RANBP2: variants seen among roughly 807,000 people sequenced by gnomAD.
RANBP2 encodes the protein RAN binding protein 2, also known as E3 SUMO-protein ligase RanBP2.
In RANBP2, 57 loss-of-function variants were observed where a neutral mutation model predicts 303.6. The ratio of observed to expected loss-of-function variants is 0.19; its 90% confidence interval spans 0.15 to 0.23. The LOEUF is 0.23. Ranked by LOEUF, RANBP2 falls within the 10% of genes least tolerant of loss-of-function variation. The pLI, the probability that RANBP2 is intolerant of heterozygous loss-of-function variation, is 1.00. For missense variants in RANBP2, 3,138 were observed against 3,780.8 expected (o/e 0.83, Z 4.46); for synonymous variants, 1,167 against 1,301.5 (o/e 0.90, Z 2.23).
the RANBP2 span, among the ~76,000 whole-genome samples, chr2:108,930,559 C>T: frequency 6.6e-6 from 1 of 152,114 alleles, no homozygotes; most frequent in Non-Finnish European, 1.5e-5. Flanking sequence ...AGGAGGCGCC[C>T]CTGTCCCCCA....
chr2:109,036,570 C>T, the RANBP2 span, among the ~76,000 whole-genome samples: 1 of 151,926 alleles, frequency 6.6e-6, no homozygotes, highest in African/African-American at 2.4e-5. Context: ...CTCTGTTAAC[C>T]AGGTAAAGAA....
chr2:108,815,641 T>C, the RANBP2 span, among the ~76,000 whole-genome samples: 1 of 151,852 alleles, frequency 6.6e-6, no homozygotes, highest in Admixed American at 6.6e-5. Flanking sequence ...AATTTTATTT[T>C]TAGTAAAGAC....
the RANBP2 span, chr2:109,546,181 A>C: frequency 6.2e-7 from 1 of 1,607,378 alleles, no homozygotes; most frequent in Non-Finnish European, 8.5e-7. Context: ...TCTTTTCTTC[A>C]AGCTTCATTC....
chr2:109,249,449 C>CTCTCTCTT, the RANBP2 span, among the ~76,000 whole-genome samples: 1 of 150,138 alleles, frequency 6.7e-6, no homozygotes. Flanking sequence ...CACCAGATCT[C>CTCTCTCTT]TCTCTCTTTC....
the RANBP2 span, among the ~76,000 whole-genome samples, chr2:108,806,893 A>G: frequency 6.6e-6 from 1 of 152,230 alleles, no homozygotes; most frequent in African/African-American, 2.4e-5. Context: ...AGATAGTCCC[A>G]GTGAACACCC....
At chr2:109,654,095 G>C in the RANBP2 span, among the ~76,000 whole-genome samples, 2 of 152,136 alleles carry the variant, frequency 1.3e-5, no homozygotes, top group African/African-American at 4.8e-5. Flanking sequence ...CTCAGACAGT[G>C]TGGGAGGGGT....
chr2:108,978,815 A>C, the RANBP2 span, among the ~76,000 whole-genome samples: 1 of 152,182 alleles, frequency 6.6e-6, no homozygotes, highest in Admixed American at 6.5e-5. Context: ...GCAGGAGGGC[A>C]CCAATGAAGT....
At chr2:109,516,972 C>T in the RANBP2 span, among the ~76,000 whole-genome samples, 2 of 152,178 alleles carry the variant, frequency 1.3e-5, no homozygotes, top group African/African-American at 4.8e-5. Context: ...CCAGCCCAGT[C>T]CTCCAGTGTA....
the RANBP2 span, among the ~76,000 whole-genome samples, chr2:109,629,304 T>G: frequency 0.43 from 9,279 of 21,436 alleles, 489 homozygotes; most frequent in Non-Finnish European, 0.48. Context: ...GGCCTAAAGA[T>G]ATATATATAT....
At chr2:108,977,986 C>T in the RANBP2 span, among the ~76,000 whole-genome samples, 1 of 152,238 alleles carries the variant, frequency 6.6e-6, no homozygotes, top group Non-Finnish European at 1.5e-5. Flanking sequence ...CAGGGAGCTT[C>T]TATTCTCGTA....
intron 15 of RANBP2, among the ~76,000 whole-genome samples, chr2:108,754,700 T>G (rs2378194): frequency 6.6e-6 from 1 of 151,452 alleles, no homozygotes; most frequent in Non-Finnish European, 1.5e-5. Flanking sequence ...GAAAAAAATA[T>G]AATAAAGGCA....
At chr2:109,409,910 CAG>C in the RANBP2 span, among the ~76,000 whole-genome samples, 1 of 152,134 alleles carries the variant, frequency 6.6e-6, no homozygotes, top group African/African-American at 2.4e-5. Flanking sequence ...GGGGTGATGA[CAG>C]TGTTTTCTGG....
the RANBP2 span, chr2:109,545,428 T>C: frequency 1.3e-6 from 2 of 1,535,972 alleles, no homozygotes; most frequent in South Asian, 2.4e-5. Context: ...ATGCTACTCA[T>C]GGCTGCCCCC....
chr2:109,529,388 G>A, the RANBP2 span, among the ~76,000 whole-genome samples: 7 of 152,188 alleles, frequency 4.6e-5, no homozygotes, highest in Non-Finnish European at 1.0e-4. Flanking sequence ...GAAGCTGCGG[G>A]AACAGATGGG....
At chr2:109,494,772 G>C in the RANBP2 span, among the ~76,000 whole-genome samples, 1 of 152,202 alleles carries the variant, frequency 6.6e-6, no homozygotes, top group African/African-American at 2.4e-5. Flanking sequence ...AATGGGCAGT[G>C]TTGCTGCCTG....
the RANBP2 span, among the ~76,000 whole-genome samples, chr2:108,855,239 G>T: frequency 3.3e-5 from 5 of 152,016 alleles, no homozygotes; most frequent in Non-Finnish European, 5.9e-5. Flanking sequence ...TTGTGAAAAA[G>T]AAACCAAATA....
At chr2:109,517,719 C>T in the RANBP2 span, among the ~76,000 whole-genome samples, 1 of 152,180 alleles carries the variant, frequency 6.6e-6, no homozygotes, top group Non-Finnish European at 1.5e-5. Context: ...TCTGATCCCA[C>T]AGGGCTGGGT....
the RANBP2 span, among the ~76,000 whole-genome samples, chr2:109,378,805 T>C: frequency 1.3e-5 from 2 of 152,180 alleles, no homozygotes; most frequent in East Asian, 3.9e-4. Context: ...ATTCCTGGCT[T>C]TATGTGACCT....
the RANBP2 span, among the ~76,000 whole-genome samples, chr2:109,662,115 C>T: frequency 5.3e-5 from 8 of 152,236 alleles, no homozygotes; most frequent in Admixed American, 3.3e-4. Context: ...GGAGTCTTTC[C>T]GAGGGAGACT....
Sources: gnomAD v4.1 joint callset for allele counts (sites outside exome capture counted in the v4.1 genomes callset) on GRCh38, gnomAD v4.1.1 for gene constraint, MANE v1.5 for transcripts, NCBI Gene and HGNC (gene_info 2026-07-23, HGNC 2026-07-21) for gene names.